The following SCAPER variants were observed in gnomAD, a reference collection of about 807,000 sequenced individuals.
SCAPER encodes S phase cyclin A-associated protein in the endoplasmic reticulum.
SCAPER carries 98 observed loss-of-function variants against 182.2 expected under a neutral mutation model. That is an observed-to-expected ratio of 0.54 (90% confidence interval 0.46 to 0.64). The LOEUF (loss-of-function observed/expected upper bound fraction) is 0.64. Ranked by LOEUF, SCAPER falls within the 30% of genes least tolerant of loss-of-function variation. The pLI, the probability that SCAPER is intolerant of heterozygous loss-of-function variation, is 0.00. For synonymous variants in SCAPER, 605 were observed against 564.6 expected, an observed-to-expected ratio of 1.07 and a Z score of -1.01; for missense variants, 1,432 against 1,690.0, an observed-to-expected ratio of 0.85 and a Z score of 2.68.
intron 23 of SCAPER, among the ~76,000 whole-genome samples, chr15:76,529,648 C>G (rs2043475680): frequency 6.6e-6 from 1 of 152,132 alleles, no homozygotes; most frequent in African/African-American, 2.4e-5. Flanking sequence ...AAAAGTCATG[C>G]AACTATCTTG....
intron 25 of SCAPER, among the ~76,000 whole-genome samples, chr15:76,459,440 T>A (rs892127817): frequency 1.1e-4 from 17 of 152,162 alleles, no homozygotes; most frequent in Non-Finnish European, 2.1e-4. Context: ...CTCTTGATGA[T>A]TAGTGACGTT....
Position 76,348,511 on chromosome 15 carries a change from T to A in SCAPER, c.*122A>T. On this transcript the variant is annotated 3_prime_UTR_variant, in exon 32 of 32. Transcript: ENST00000563290. The stretch of plus-strand genomic sequence containing the variant: ...TATAAATAGTGTAAAGTACATGCCA[T>A]ATCTACAGTGTGGGAAGAGTATAAA... 1 of 617,818 alleles carries A rather than the reference T, an allele frequency of 1.6e-6. No homozygotes were observed. The highest frequency in any genetic ancestry group is 1.8e-5 in the African/African-American group (1 of 54,306). The allele number at this position is 617,818 out of a possible 1,614,324, so 38.3% of individuals were successfully genotyped here. A position where few individuals can be genotyped will look rare whatever the true frequency, so the allele number is the denominator to read the frequency against.
At chr15:76,584,507 A>T (rs1597508252) in intron 22 of SCAPER, among the ~76,000 whole-genome samples, 1 of 152,142 alleles carries the variant, frequency 6.6e-6, no homozygotes, top group East Asian at 1.9e-4. Context: ...CCTGTATCAA[A>T]ATATATCATG....
At chr15:76,810,185 A>G (rs1434599691) in intron 5 of SCAPER, among the ~76,000 whole-genome samples, 2 of 152,186 alleles carry the variant, frequency 1.3e-5, no homozygotes, top group Non-Finnish European at 2.9e-5. Context: ...AAAACAAAAT[A>G]TATAAAGAAT....
intron 15 of SCAPER, among the ~76,000 whole-genome samples, chr15:76,748,455 TA>T: frequency 6.6e-6 from 1 of 152,008 alleles, no homozygotes; most frequent in Non-Finnish European, 1.5e-5. Context: ...ATTTGATAAT[TA>T]TTTCTTAGCA....
chr15:76,789,319 T>C (rs953200839), intron 8 of SCAPER, among the ~76,000 whole-genome samples: 5 of 152,134 alleles, frequency 3.3e-5, no homozygotes, highest in Admixed American at 2.0e-4. Context: ...ATTAAGCATT[T>C]AACAAAAGAT....
intron 20 of SCAPER, among the ~76,000 whole-genome samples, chr15:76,692,283 A>G (rs778528096): frequency 1.3e-5 from 2 of 152,236 alleles, no homozygotes; most frequent in Non-Finnish European, 1.5e-5. Context: ...GTGAGTAATA[A>G]TGGAAATCGT....
chr15:76,712,634 T>G (rs2059652382), intron 17 of SCAPER, among the ~76,000 whole-genome samples: 1 of 152,184 alleles, frequency 6.6e-6, no homozygotes, highest in African/African-American at 2.4e-5. Context: ...TTTGCAGTTC[T>G]CCTTGAAGAG....
chr15:76,469,034 T>C (rs2049916028), intron 25 of SCAPER, among the ~76,000 whole-genome samples: 1 of 152,150 alleles, frequency 6.6e-6, no homozygotes, highest in Non-Finnish European at 1.5e-5. Context: ...TTATAAGCCA[T>C]CCAGTCTATG....
intron 17 of SCAPER, among the ~76,000 whole-genome samples, chr15:76,727,583 C>G (rs1276805755): frequency 6.6e-6 from 1 of 151,912 alleles, no homozygotes; most frequent in Non-Finnish European, 1.5e-5. Flanking sequence ...CACAATAAAA[C>G]CAATTGCAGA....
Position 76,753,940 on chromosome 15 carries a change from A to G in SCAPER, c.1734T>C (p.Asp578=). The part of the protein sequence containing the change: ...KLQKLLEREK[D]VRKWKEELLD... Reference sequence around the variant, plus strand: ...GCAATTCTTCCTTCCACTTCCGGACATCCTTCTCCTACGTATAGTGAATCA... The same window carrying G: ...GCAATTCTTCCTTCCACTTCCGGACGTCCTTCTCCTACGTATAGTGAATCA... Residue 578 remains aspartate, a synonymous_variant, in exon 15 of 32, where the codon GAT becomes GAC. Transcript: ENST00000563290. The G allele has an allele frequency of 1.9e-6, 3 of 1,612,586 alleles. No homozygotes were observed. Among genetic ancestry groups the G allele is most frequent in the Non-Finnish European group, 2.5e-6 (3 of 1,179,076 alleles).
chr15:76,854,628 C>CA (rs1297968356), intron 4 of SCAPER, among the ~76,000 whole-genome samples: 2 of 151,436 alleles, frequency 1.3e-5, no homozygotes, highest in African/African-American at 4.9e-5. Flanking sequence ...CATGTGGAAC[C>CA]AAAAAAACGC....
In SCAPER at chr15:76,637,740, ATATGTGTGTG is replaced by A. The variant is rs1352008481; in HGVS notation, c.2646-15921_2646-15912del. Among the ~76,000 whole-genome samples, 231 of 31,874 alleles carry A rather than the reference ATATGTGTGTG, an allele frequency of 7.2e-3. 1 individual carries two copies. Among genetic ancestry groups the A allele is most frequent in the African/African-American group, 0.013 (165 of 12,940 alleles). 20.9% of individuals were successfully genotyped at this position (31,874 alleles called of 152,430 possible). ...TATGTGATTATATATATATATATAT[ATATGTGTGTG>A]TGTGTGTGTGTGTGTGTGTGTGTGT... is the stretch of plus-strand genomic sequence containing the variant. On this transcript the variant is annotated intron_variant, in intron 21 of 31. Transcript: ENST00000563290.
chr15:76,662,009 G>A (rs1047765809), intron 21 of SCAPER, among the ~76,000 whole-genome samples: 1 of 152,100 alleles, frequency 6.6e-6, no homozygotes, highest in Non-Finnish European at 1.5e-5. Flanking sequence ...TCATAAAAAG[G>A]AATGAGATCA....
At chr15:76,606,537 T>C (rs937701012) in intron 22 of SCAPER, among the ~76,000 whole-genome samples, 14 of 152,058 alleles carry the variant, frequency 9.2e-5, no homozygotes, top group Non-Finnish European at 1.9e-4. Context: ...TAGGTCCACT[T>C]GGTGCAGAGC....
intron 15 of SCAPER, among the ~76,000 whole-genome samples, chr15:76,746,981 G>T (rs894138031): frequency 1.3e-5 from 2 of 152,166 alleles, no homozygotes; most frequent in African/African-American, 4.8e-5. Context: ...ACGCCAACAG[G>T]CTTTTTTGCA....
intron 25 of SCAPER, among the ~76,000 whole-genome samples, chr15:76,451,961 C>A (rs284904): frequency 0.12 from 18,246 of 152,020 alleles, 1,505 homozygotes; most frequent in African/African-American, 0.23. Flanking sequence ...TCTACACATA[C>A]CCCCACACCT....
intron 26 of SCAPER, among the ~76,000 whole-genome samples, chr15:76,405,982 A>G (rs2044800060): frequency 6.6e-6 from 1 of 152,304 alleles, no homozygotes; most frequent in Admixed American, 6.5e-5. Context: ...ACATTAGACT[A>G]TGTATCTACC....
chr15:76,756,396 G>T (rs2062435366), intron 14 of SCAPER, among the ~76,000 whole-genome samples: 1 of 152,040 alleles, frequency 6.6e-6, no homozygotes, highest in South Asian at 2.1e-4. Flanking sequence ...GGGCAACATG[G>T]CAAGACCCTG....
Sources: gnomAD v4.1 joint callset for allele counts (sites outside exome capture counted in the v4.1 genomes callset) on GRCh38, gnomAD v4.1.1 for gene constraint, MANE v1.5 for transcripts, NCBI Gene and HGNC (gene_info 2026-07-23, HGNC 2026-07-21) for gene names.